The following CCDC146 variants were observed in gnomAD, a reference collection of about 807,000 sequenced individuals.
The protein encoded by CCDC146 is coiled-coil domain-containing protein 146.
CCDC146 carries 92 observed loss-of-function variants against 119.3 expected under a neutral mutation model. The ratio of observed to expected loss-of-function variants is 0.77; its 90% CI spans 0.65 to 0.92. The LOEUF (loss-of-function observed/expected upper bound fraction) is 0.92, where lower values mean the gene tolerates loss of function less well. CCDC146 is among the 40% of genes least tolerant of loss of function. The pLI is 0.00. For missense variants in CCDC146, 1,000 were observed against 1,103.0 expected, an observed-to-expected ratio of 0.91 and a Z score of 1.32; for synonymous variants, 372 against 371.8, an observed-to-expected ratio of 1.00 and a Z score of -0.01.
intron 13 of CCDC146, among the ~76,000 whole-genome samples, chr7:77,279,557 A>ATACATTAT (rs1793724685): frequency 6.6e-6 from 1 of 152,214 alleles, no homozygotes; most frequent in Non-Finnish European, 1.5e-5. Context: ...TGTAGATGTA[A>ATACATTAT]AGCATCTCAT....
At chr7:77,225,966 A>G (rs1020448163) in intron 2 of CCDC146, among the ~76,000 whole-genome samples, 2 of 151,824 alleles carry the variant, frequency 1.3e-5, no homozygotes, top group African/African-American at 4.8e-5. Context: ...GAAGGAGTAG[A>G]GATTAAAAGG....
chr7:77,281,097 C>T (rs539032526), intron 14 of CCDC146, among the ~76,000 whole-genome samples: 11 of 141,330 alleles, frequency 7.8e-5, no homozygotes, highest in South Asian at 6.6e-4. Context: ...AGCAAGACTC[C>T]GTCTCCAAAA....
intron 2 of CCDC146, among the ~76,000 whole-genome samples, chr7:77,225,827 C>T (rs1792501217): frequency 6.6e-6 from 1 of 151,662 alleles, no homozygotes; most frequent in Admixed American, 6.6e-5. Context: ...CCTGTAATCC[C>T]AGCTACTCAG....
chr7:77,234,842 C>T (rs1157634183), intron 2 of CCDC146, among the ~76,000 whole-genome samples: 1 of 152,070 alleles, frequency 6.6e-6, no homozygotes, highest in Non-Finnish European at 1.5e-5. Flanking sequence ...AGATCTTGTT[C>T]ACCATATTTC....
At position 77,167,568 on chromosome 7, in the gene CCDC146, T is replaced by C. The variant is rs1791354519; in HGVS notation, c.-11-90T>C. ...TTCATTGAACAATAGCTTATTCCAG[T>C]TTTTTGTTTATTTTTATTATTTTCC... On this transcript the variant is annotated intron_variant, in intron 1 of 18. Coordinates refer to ENST00000285871, the MANE Select transcript of CCDC146 (RefSeq NM_020879.3). 3 of 1,004,528 alleles carry C rather than the reference T, an allele frequency of 3.0e-6. No homozygotes were observed. In the East Asian group the frequency reaches 9.4e-5, roughly 31 times the overall value. The allele number at this position is 1,004,528 out of a possible 1,614,324, so 62.2% of individuals were successfully genotyped here.
At chr7:77,153,802 A>G (rs1181066245) in intron 1 of CCDC146, among the ~76,000 whole-genome samples, 1 of 151,604 alleles carries the variant, frequency 6.6e-6, no homozygotes, top group Non-Finnish European at 1.5e-5. Flanking sequence ...TTTCACTCAT[A>G]GATACCTTTG....
chr7:77,232,278 T>C (rs918146818), intron 2 of CCDC146, among the ~76,000 whole-genome samples: 2 of 152,176 alleles, frequency 1.3e-5, no homozygotes, highest in African/African-American at 4.8e-5. Context: ...GGAGTTTATA[T>C]ATCTGCCACT....
At chr7:77,280,829 G>A (rs775345235) in intron 14 of CCDC146, among the ~76,000 whole-genome samples, 176 bp downstream of exon 14, 7 of 152,106 alleles carry the variant, frequency 4.6e-5, no homozygotes, top group African/African-American at 4.8e-5. Flanking sequence ...CTGTCCTCAC[G>A]CTGGGCACAG....
intron 1 of CCDC146, among the ~76,000 whole-genome samples, chr7:77,159,976 T>A (rs1473031684): frequency 6.6e-6 from 1 of 152,238 alleles, no homozygotes; most frequent in Non-Finnish European, 1.5e-5. Context: ...CAGTTTCAGC[T>A]TTCTACATAT....
intron 2 of CCDC146, among the ~76,000 whole-genome samples, chr7:77,225,512 C>G (rs1440807710): frequency 6.6e-6 from 1 of 151,468 alleles, no homozygotes; most frequent in Non-Finnish European, 1.5e-5. Flanking sequence ...TATGATTACA[C>G]CACTGTACCC....
At chr7:77,130,962 G>A (rs1487686086) in intron 1 of CCDC146, among the ~76,000 whole-genome samples, 4 of 148,786 alleles carry the variant, frequency 2.7e-5, no homozygotes, top group Non-Finnish European at 6.0e-5. Context: ...CGCAATCTCG[G>A]CTCACTGCAA....
rs552287372 is a variant in CCDC146 at position 77,285,743 on chromosome 7, A to G, written c.2149-1055A>G. The stretch of plus-strand genomic sequence containing the variant: ...AAAACTAAGTGTGGCTACCATTCCT[A>G]TTTAGGAGTAGCCATGTTTCTTCAT... On this transcript the variant is annotated intron_variant, in intron 15 of 18. Transcript: ENST00000285871. Among the ~76,000 whole-genome samples, 4 of 152,310 alleles carry G rather than the reference A, an allele frequency of 2.6e-5. No individual in the cohort carries two copies. The South Asian group carries it at 6.2e-4, about 24-fold the overall frequency.
chr7:77,199,669 C>G, intron 2 of CCDC146: 1 of 1,614,208 alleles, frequency 6.2e-7, no homozygotes, highest in East Asian at 2.2e-5. Flanking sequence ...GCTTTCTAGT[C>G]TCACTGGGCA....
intron 1 of CCDC146, among the ~76,000 whole-genome samples, chr7:77,165,079 T>G (rs1194223409): frequency 6.6e-6 from 1 of 152,200 alleles, no homozygotes; most frequent in East Asian, 1.9e-4. Context: ...AGTGGAGGCA[T>G]TTTACCTGCT....
intron 9 of CCDC146, among the ~76,000 whole-genome samples, chr7:77,265,002 G>A (rs560723380): frequency 2.6e-5 from 4 of 152,234 alleles, no homozygotes; most frequent in African/African-American, 9.6e-5. Flanking sequence ...ACTAACCTTT[G>A]CAACTCTTAT....
At chr7:77,217,031 A>G (rs1365496630) in intron 2 of CCDC146, among the ~76,000 whole-genome samples, 1 of 152,094 alleles carries the variant, frequency 6.6e-6, no homozygotes, top group Non-Finnish European at 1.5e-5. Flanking sequence ...GTAGCAAAAT[A>G]TTTTACTATA....
At chr7:77,238,832 A>T (rs1792789698) in intron 3 of CCDC146, among the ~76,000 whole-genome samples, 1 of 152,102 alleles carries the variant, frequency 6.6e-6, no homozygotes, top group Non-Finnish European at 1.5e-5. Flanking sequence ...GCAATGCAGG[A>T]CCTCAGCTAT....
chr7:77,154,432 A>G (rs1435776793), intron 1 of CCDC146, among the ~76,000 whole-genome samples: 1 of 151,050 alleles, frequency 6.6e-6, no homozygotes, highest in African/African-American at 2.4e-5. Context: ...CATTAGGTAT[A>G]TCTCCTAATG....
intron 2 of CCDC146, among the ~76,000 whole-genome samples, chr7:77,205,083 T>G (rs1333944408): frequency 5.3e-5 from 8 of 152,160 alleles, no homozygotes; most frequent in South Asian, 2.1e-4. Context: ...ATCTTAAGCT[T>G]CTTCTTATAA....
Sources: allele counts gnomAD v4.1 joint callset (sites outside exome capture counted in the v4.1 genomes callset), GRCh38; gene constraint gnomAD v4.1.1; transcripts MANE v1.5; gene names NCBI Gene and HGNC (gene_info 2026-07-23, HGNC 2026-07-21).